TCF12: variants seen among roughly 807,000 people sequenced by gnomAD.
The protein encoded by TCF12 is DNA-binding protein HTF4.
TCF12 carries 45 observed loss-of-function variants against 86.0 expected under a neutral mutation model. The observed-to-expected ratio is 0.52, with a 90% CI of 0.41 to 0.67. The LOEUF (loss-of-function observed/expected upper bound fraction) is 0.67, where lower values mean the gene tolerates loss of function less well. Among genes scored for constraint, TCF12 ranks in the 30% least tolerant of loss-of-function variants. The pLI is 0.00. For missense variants in TCF12, 881 were observed against 859.9 expected, an observed-to-expected ratio of 1.02 and a Z score of -0.31; for synonymous variants, 330 against 299.6, an observed-to-expected ratio of 1.10 and a Z score of -1.05.
chr15:56,972,836 G>A (rs76162711), intron 3 of TCF12, among the ~76,000 whole-genome samples: 2,623 of 152,244 alleles, frequency 0.017, 84 homozygotes, highest in African/African-American at 0.056. Context: ...GAGTAACATA[G>A]TTATGGAGGG....
rs150026291 is a variant in TCF12, at chr15:57,111,880, A to G, written c.325+19989A>G. 3.5e-3 allele frequency among the ~76,000 whole-genome samples: 540 copies of G among 152,282 alleles called. 2 individuals carry two copies. Among genetic ancestry groups the G allele is most frequent in the African/African-American group, 0.013 (521 of 41,556 alleles). On this transcript the variant is annotated intron_variant, in intron 5 of 20. Transcript: ENST00000333725. ...AGTGCTAGGATTACAGGCATTAGCC[A>G]CCGCACCTGGCTGGCTTGTTTATAA...
At chr15:57,211,386 G>GTCAATT (rs2058094520) in intron 8 of TCF12, among the ~76,000 whole-genome samples, 1 of 152,022 alleles carries the variant, frequency 6.6e-6, no homozygotes, top group Non-Finnish European at 1.5e-5. Flanking sequence ...GCAACAAAGT[G>GTCAATT]AGACCTTGTG....
intron 8 of TCF12, among the ~76,000 whole-genome samples, chr15:57,213,360 C>G (rs376054445): frequency 3.7e-4 from 57 of 152,184 alleles, no homozygotes; most frequent in African/African-American, 1.3e-3. Flanking sequence ...ATTAGCTTTG[C>G]TTTTTTACTT....
intron 8 of TCF12, among the ~76,000 whole-genome samples, chr15:57,228,912 GACTT>G (rs540336927): frequency 1.1e-3 from 160 of 152,026 alleles, no homozygotes; most frequent in East Asian, 1.9e-3. Flanking sequence ...ATGAGAGACT[GACTT>G]ACTGTTTCAG....
chr15:57,158,908 C>G (rs915825802), intron 5 of TCF12, among the ~76,000 whole-genome samples: 2 of 152,148 alleles, frequency 1.3e-5, no homozygotes, highest in Non-Finnish European at 2.9e-5. Context: ...GTGTGGTTGG[C>G]ACAAATGTTA....
At chr15:56,936,491 C>G (rs2060476006) in intron 3 of TCF12, among the ~76,000 whole-genome samples, 1 of 152,260 alleles carries the variant, frequency 6.6e-6, no homozygotes, top group East Asian at 1.9e-4. Context: ...TAATTAAGAG[C>G]TACCTCTTTA....
chr15:57,254,387 C>T (rs1460983088), intron 16 of TCF12, among the ~76,000 whole-genome samples: 6 of 152,090 alleles, frequency 3.9e-5, no homozygotes, highest in Admixed American at 2.0e-4. Context: ...CTGAAGTAAA[C>T]GTCACACAAG....
intron 3 of TCF12, among the ~76,000 whole-genome samples, chr15:56,958,541 G>A (rs1371916468): frequency 2.0e-5 from 3 of 151,968 alleles, no homozygotes; most frequent in Non-Finnish European, 4.4e-5. Flanking sequence ...CTTAAAAGCC[G>A]CATGTATCTA....
chr15:57,270,039 A>C (rs1162452829), intron 18 of TCF12, among the ~76,000 whole-genome samples: 1 of 151,986 alleles, frequency 6.6e-6, no homozygotes, highest in African/African-American at 2.4e-5. Context: ...TGTGTCTTGG[A>C]GTTGCTCATC....
intron 5 of TCF12, among the ~76,000 whole-genome samples, chr15:57,124,980 T>G (rs1182397537): frequency 6.6e-6 from 1 of 152,188 alleles, no homozygotes; most frequent in African/African-American, 2.4e-5. Flanking sequence ...CCAAAAATAT[T>G]TATTTTTTCT....
intron 3 of TCF12, among the ~76,000 whole-genome samples, chr15:57,032,149 T>C (rs2141358029): frequency 6.6e-6 from 1 of 152,258 alleles, no homozygotes; most frequent in South Asian, 2.1e-4. Flanking sequence ...TACAGACACC[T>C]TGGGCTCATG....
At chr15:57,049,931 A>G (rs1159764836) in intron 3 of TCF12, among the ~76,000 whole-genome samples, 1 of 152,124 alleles carries the variant, frequency 6.6e-6, no homozygotes, top group Non-Finnish European at 1.5e-5. Context: ...TGACTTATTA[A>G]TCAAATATTT....
At chr15:57,058,117 A>T (rs2068174653) in intron 3 of TCF12, among the ~76,000 whole-genome samples, 1 of 152,190 alleles carries the variant, frequency 6.6e-6, no homozygotes, top group Non-Finnish European at 1.5e-5. Context: ...AAATACAGTG[A>T]CCACCATATC....
chr15:56,949,033 C>T (rs1390143963), intron 3 of TCF12, among the ~76,000 whole-genome samples: 1 of 152,092 alleles, frequency 6.6e-6, no homozygotes, highest in African/African-American at 2.4e-5. Flanking sequence ...TCATGACTTC[C>T]AAGAAAGGTC....
chr15:57,221,752 A>T (rs1296968590), intron 8 of TCF12, among the ~76,000 whole-genome samples: 1 of 152,138 alleles, frequency 6.6e-6, no homozygotes, highest in Non-Finnish European at 1.5e-5. Flanking sequence ...TTTTATTTTT[A>T]CCCACCTCTA....
chr15:57,093,823 G>A (rs1596494225), intron 5 of TCF12, among the ~76,000 whole-genome samples: 1 of 152,130 alleles, frequency 6.6e-6, no homozygotes, highest in Non-Finnish European at 1.5e-5. Flanking sequence ...TAAGTAGATT[G>A]ATCTCTTAAT....
intron 5 of TCF12, among the ~76,000 whole-genome samples, chr15:57,115,871 T>C (rs1202252431): frequency 2.0e-5 from 3 of 152,006 alleles, no homozygotes; most frequent in Non-Finnish European, 4.4e-5. Flanking sequence ...TAGGAGAAGA[T>C]TGTAAGATGA....
chr15:56,922,618 A>T (rs1297575871), intron 3 of TCF12, among the ~76,000 whole-genome samples: 1 of 152,004 alleles, frequency 6.6e-6, no homozygotes, highest in Non-Finnish European at 1.5e-5. Flanking sequence ...GATTATTTGG[A>T]GTAGGAACTT....
At chr15:57,098,437 A>T (rs1443267113) in intron 5 of TCF12, among the ~76,000 whole-genome samples, 1 of 152,046 alleles carries the variant, frequency 6.6e-6, no homozygotes, top group Non-Finnish European at 1.5e-5. Flanking sequence ...TTTTTTATGT[A>T]TTCATTCCTC....
Sources: allele counts gnomAD v4.1 joint callset (sites outside exome capture counted in the v4.1 genomes callset), GRCh38; gene constraint gnomAD v4.1.1; transcripts MANE v1.5; gene names NCBI Gene and HGNC (gene_info 2026-07-23, HGNC 2026-07-21).